Variants in ABCA12 observed in about 807,000 individuals in gnomAD.
ABCA12 encodes ATP binding cassette subfamily A member 12.
Under a neutral mutation model 293.5 loss-of-function variants are expected in ABCA12, and 156 were observed. The observed-to-expected ratio is 0.53, with a 90% CI of 0.47 to 0.61. ABCA12 has a LOEUF of 0.61. Ranked by LOEUF, ABCA12 falls within the 20% of genes least tolerant of loss-of-function variation. The pLI, the probability that ABCA12 is intolerant of heterozygous loss-of-function variation, is 0.00. For synonymous variants in ABCA12, 1,063 were observed against 1,108.0 expected (o/e 0.96, Z 0.81); for missense variants, 2,797 against 3,090.2 (o/e 0.91, Z 2.25).
chr2:214,975,418 CATT>C (rs1278410686), intron 34 of ABCA12, among the ~76,000 whole-genome samples: 2 of 152,146 alleles, frequency 1.3e-5, no homozygotes, highest in Non-Finnish European at 2.9e-5. Context: ...GTATATGTAA[CATT>C]ATATTACACA....
chr2:215,099,554 A>G (rs1180038201), intron 2 of ABCA12, among the ~76,000 whole-genome samples: 3 of 152,138 alleles, frequency 2.0e-5, no homozygotes, highest in Admixed American at 6.6e-5. Flanking sequence ...TTAGCTGGGC[A>G]CGGTGGCGTA....
intron 1 of ABCA12, among the ~76,000 whole-genome samples, chr2:215,112,127 G>A (rs1232346075): frequency 6.6e-6 from 1 of 152,082 alleles, no homozygotes; most frequent in African/African-American, 2.4e-5. Flanking sequence ...AGCATTCTAT[G>A]CTCAGTCATA....
At chr2:214,951,511 C>T (rs1188789930) in intron 44 of ABCA12, among the ~76,000 whole-genome samples, 3 of 152,120 alleles carry the variant, frequency 2.0e-5, no homozygotes, top group Non-Finnish European at 2.9e-5. Flanking sequence ...ACCTATAATC[C>T]CAGCACTTTG....
chr2:215,044,974 C>T (rs1312181294), intron 7 of ABCA12, among the ~76,000 whole-genome samples: 1 of 152,076 alleles, frequency 6.6e-6, no homozygotes, highest in Admixed American at 6.6e-5. Flanking sequence ...AATCTAGTTG[C>T]AAACCCTTCT....
intron 19 of ABCA12, among the ~76,000 whole-genome samples, chr2:215,005,942 C>T (rs1024660873): frequency 7.2e-5 from 11 of 152,204 alleles, no homozygotes; most frequent in Admixed American, 2.0e-4. Context: ...CTGCAGTTCA[C>T]GTACTTTAAG....
chr2:215,087,199 T>G (rs1202029562), intron 2 of ABCA12, among the ~76,000 whole-genome samples: 1 of 152,154 alleles, frequency 6.6e-6, no homozygotes, highest in African/African-American at 2.4e-5. Context: ...ACCTCGGCCT[T>G]CCAAAGTGCT....
At chr2:215,096,084 G>A (rs148454235) in intron 2 of ABCA12, among the ~76,000 whole-genome samples, 10 of 152,236 alleles carry the variant, frequency 6.6e-5, no homozygotes, top group East Asian at 3.9e-4. Flanking sequence ...AAGCTCTGCC[G>A]TTTACCAGCT....
intron 14 of ABCA12, among the ~76,000 whole-genome samples, chr2:215,016,890 A>C (rs1055198658): frequency 3.3e-5 from 5 of 152,116 alleles, no homozygotes; most frequent in Non-Finnish European, 7.4e-5. Flanking sequence ...GGCCACAGGA[A>C]CTTTTCACTC....
chr2:215,067,002 T>A (rs1235127734), intron 2 of ABCA12, among the ~76,000 whole-genome samples: 1 of 152,114 alleles, frequency 6.6e-6, no homozygotes, highest in Non-Finnish European at 1.5e-5. Context: ...AACTTTAAAT[T>A]CTGGAAATCC....
At chr2:215,134,298 A>G (rs1267483807) in intron 1 of ABCA12, among the ~76,000 whole-genome samples, 1 of 147,706 alleles carries the variant, frequency 6.8e-6, no homozygotes, top group African/African-American at 2.5e-5. Flanking sequence ...GTATATGTAC[A>G]TATATACGTA....
intron 1 of ABCA12, among the ~76,000 whole-genome samples, chr2:215,120,611 G>T (rs1310813338): frequency 1.3e-5 from 2 of 152,128 alleles, no homozygotes; most frequent in Non-Finnish European, 2.9e-5. Context: ...GGGAAGAGAA[G>T]GGGATAGTCC....
At chr2:215,036,917 C>G in intron 8 of ABCA12, 36 bp downstream of exon 8, 1 of 1,561,038 alleles carries the variant, frequency 6.4e-7, no homozygotes, top group Admixed American at 1.7e-5. Flanking sequence ...GGCTTTGTGA[C>G]ACTGAATTTA....
intron 7 of ABCA12, among the ~76,000 whole-genome samples, chr2:215,040,063 C>G (rs2106041140): frequency 6.6e-6 from 1 of 152,198 alleles, no homozygotes; most frequent in East Asian, 1.9e-4. Flanking sequence ...ATTACAATAA[C>G]TGAACCAAGT....
Position 215,138,558 on chromosome 2 carries a change from T to TA in ABCA12, c.-351_-350insT. 8 of 256,202 alleles carry TA rather than the reference T, an allele frequency of 3.1e-5. No individual in the cohort carries two copies. Among genetic ancestry groups the TA allele is most frequent in the Non-Finnish European group, 4.5e-5 (6 of 133,366 alleles). The allele number at this position is 256,202 out of a possible 1,614,324, so 15.9% of individuals were successfully genotyped here. A position where few individuals can be genotyped will look rare whatever the true frequency, so the allele number is the denominator to read the frequency against. On this transcript the variant is annotated 5_prime_UTR_variant, in exon 1 of 53. An upstream open reading frame in the 5' UTR gains an earlier in-frame stop. Transcript: ENST00000272895. ...GAGCATCATTCAGATAATGCCTCAC[T>TA]GAAAAAAAAAAAAAAGCAGCAGCTG... is the stretch of plus-strand genomic sequence containing the variant.
chr2:215,123,149 C>T (rs1702843506), intron 1 of ABCA12, among the ~76,000 whole-genome samples: 1 of 151,886 alleles, frequency 6.6e-6, no homozygotes, highest in African/African-American at 2.4e-5. Context: ...TTCCATGGTG[C>T]TTATATACCA....
chr2:215,107,844 T>C (rs1423625342), intron 2 of ABCA12, among the ~76,000 whole-genome samples: 2 of 152,238 alleles, frequency 1.3e-5, no homozygotes, highest in Non-Finnish European at 1.5e-5. Context: ...AGTGCCCGAA[T>C]TGTTAAGAGG....
intron 11 of ABCA12, chr2:215,020,795 T>A (rs1235087881): frequency 4.6e-5 from 7 of 152,148 alleles, no homozygotes; most frequent in Non-Finnish European, 1.0e-4. Context: ...GCCTCCAGGC[T>A]CAGGTGATCC....
chr2:214,961,239 T>G (rs1699104263), intron 39 of ABCA12, among the ~76,000 whole-genome samples: 2 of 152,046 alleles, frequency 1.3e-5, no homozygotes, highest in South Asian at 4.1e-4. Context: ...GTAAGTCTAT[T>G]TAAGAAAAAT....
chr2:215,025,728 C>G lies in ABCA12; in HGVS notation c.1232G>C (p.Arg411Pro). ...AAAGTAATCTTCATAGGAACCATTGCGAAGAAAAGATTTTTTAAATCGTAT... is the reference window on the plus strand; with the variant it reads ...AAAGTAATCTTCATAGGAACCATTGGGAAGAAAAGATTTTTTAAATCGTAT... Reference protein sequence around the residue: ...STIRFKKSFLRNGSYEDYFPP... With the variant: ...STIRFKKSFLPNGSYEDYFPP... The change falls in exon 11 of 53, where the codon CGC becomes CCC. Residue 411 changes from arginine to proline, a missense_variant. Arg to Pro is a moderately radical substitution (Grantham distance 103, BLOSUM62 -2). This residue lies in a region of ABCA12 where 656 missense variants were observed against 638.2 expected (regional missense o/e 1.03). Coordinates refer to ENST00000272895, the MANE Select transcript of ABCA12 (RefSeq NM_173076.3). The G allele has an allele frequency of 6.2e-7, 1 of 1,611,988 alleles. No individual in the cohort carries two copies. Among genetic ancestry groups the G allele is most frequent in the Non-Finnish European group, 8.5e-7 (1 of 1,179,456 alleles).
Sources: gnomAD v4.1 joint callset for allele counts (sites outside exome capture counted in the v4.1 genomes callset) on GRCh38, gnomAD v4.1.1 for gene constraint, gnomAD v4.1.1 regional missense constraint, MANE v1.5 for transcripts, NCBI Gene and HGNC (gene_info 2026-07-23, HGNC 2026-07-21) for gene names.